ZNF341: variants seen among roughly 807,000 people sequenced by gnomAD.
The protein encoded by ZNF341 is zinc finger protein 341.
A neutral mutation model predicts 87.7 loss-of-function variants in ZNF341; 52 were observed. The ratio of observed to expected loss-of-function variants is 0.59; its 90% confidence interval spans 0.47 to 0.75. The LOEUF (loss-of-function observed/expected upper bound fraction) is 0.75, where lower values mean the gene tolerates loss of function less well. ZNF341 is among the 30% of genes least tolerant of loss of function. The probability of loss-of-function intolerance (pLI) is 0.00; values close to 1 mark genes in which losing one functional copy is unlikely to be tolerated. For synonymous variants in ZNF341, 459 were observed against 472.7 expected (o/e 0.97, Z 0.38); for missense variants, 977 against 1,145.9 (o/e 0.85, Z 2.13).
chr20:33,747,697 C>T (rs1018385105), intron 3 of ZNF341, among the ~76,000 whole-genome samples: 1 of 149,412 alleles, frequency 6.7e-6, no homozygotes, highest in African/African-American at 2.5e-5. Flanking sequence ...AAAATATTCC[C>T]CTCACCATCT....
rs571959953 is a variant in ZNF341, at chr20:33,791,262, G to A, written c.2310G>A (p.Pro770=). Residue 770 remains proline, a synonymous_variant, in exon 15 of 15, where the codon CCG becomes CCA. Coordinates refer to ENST00000375200, the MANE Select transcript of ZNF341 (RefSeq NM_001282933.2). ...GRKVLTPLPD[P]LGLEELKDTG... ...AGGTGCTGACCCCCTTGCCTGACCC[G>A]CTGGGGCTGGAGGAGCTGAAGGACA... 74 of 1,611,696 alleles carry A rather than the reference G, an allele frequency of 4.6e-5. 1 individual carries two copies. Among genetic ancestry groups the A allele is most frequent in the Middle Eastern group, 3.3e-4 (2 of 6,056 alleles).
intron 3 of ZNF341, among the ~76,000 whole-genome samples, chr20:33,747,713 C>CT (rs570173400): frequency 1.4e-3 from 174 of 125,612 alleles, no homozygotes; most frequent in East Asian, 2.1e-3. Flanking sequence ...CATCTCTTAC[C>CT]TTTTTTTTTT....
At chr20:33,774,601 A>G (rs1387609006) in intron 10 of ZNF341, among the ~76,000 whole-genome samples, 1 of 152,190 alleles carries the variant, frequency 6.6e-6, no homozygotes, top group Non-Finnish European at 1.5e-5. Context: ...CCTGTAGCGC[A>G]ATGTCCAACA....
intron 10 of ZNF341, among the ~76,000 whole-genome samples, chr20:33,771,070 T>A (rs896796227): frequency 6.6e-6 from 1 of 151,866 alleles, no homozygotes; most frequent in Non-Finnish European, 1.5e-5. Flanking sequence ...TGCAGTGAGC[T>A]GAGACCGTGT....
chr20:33,749,809 G>A (rs1197174906), intron 4 of ZNF341, among the ~76,000 whole-genome samples: 1 of 151,310 alleles, frequency 6.6e-6, no homozygotes, highest in African/African-American at 2.4e-5. Flanking sequence ...CTGAAGTGCA[G>A]TGGTGCGATC....
intron 5 of ZNF341, among the ~76,000 whole-genome samples, chr20:33,756,366 C>T (rs1221252705): frequency 1.5e-5 from 2 of 134,650 alleles, no homozygotes; most frequent in African/African-American, 6.3e-5. Flanking sequence ...TTCTCTCTCT[C>T]TCTTTTTTTT....
intron 5 of ZNF341, 61 bp downstream of exon 5, chr20:33,753,484 C>T: frequency 1.4e-6 from 2 of 1,481,362 alleles, no homozygotes; most frequent in Admixed American, 4.8e-5. Context: ...CCAACCCGGA[C>T]CCATCCTGAG....
chr20:33,771,402 C>T (rs754417321), intron 10 of ZNF341, among the ~76,000 whole-genome samples: 15 of 151,690 alleles, frequency 9.9e-5, no homozygotes, highest in Non-Finnish European at 2.1e-4. Context: ...ATGTGCCCCA[C>T]GCCCAGCTAA....
chr20:33,789,228 A>G (rs1463589919), intron 13 of ZNF341, among the ~76,000 whole-genome samples: 1 of 152,062 alleles, frequency 6.6e-6, no homozygotes, highest in Non-Finnish European at 1.5e-5. Context: ...GATTTAGTAG[A>G]GATGGAGTTT....
At position 33,788,929 on chromosome 20, in the gene ZNF341, A is replaced by T. The variant is rs762022879; in HGVS notation, c.1919A>T (p.His640Leu). ...AACCGCAAGGACAAACTGAAGAGAC[A>T]CATGTTGATCCACGAGCCCTTCAAG... ...AFNRKDKLKR[H>L]MLIHEPFKKY... Residue 640 changes from histidine to leucine, a missense_variant, in exon 13 of 15, where the codon CAC becomes CTC. Coordinates refer to ENST00000375200, the MANE Select transcript of ZNF341 (RefSeq NM_001282933.2). 6.2e-7 allele frequency: 1 copy of T among 1,613,942 alleles called. No individual in the cohort carries two copies. Among genetic ancestry groups the T allele is most frequent in the African/African-American group, 1.3e-5 (1 of 74,902 alleles).
intron 10 of ZNF341, among the ~76,000 whole-genome samples, chr20:33,774,667 T>C (rs2019595469): frequency 6.6e-6 from 1 of 152,212 alleles, no homozygotes; most frequent in African/African-American, 2.4e-5. Context: ...TAAAACTTTT[T>C]CACTTAAAAC....
intron 10 of ZNF341, among the ~76,000 whole-genome samples, chr20:33,776,012 G>A (rs1434220431): frequency 1.3e-5 from 2 of 151,874 alleles, no homozygotes; most frequent in Middle Eastern, 3.4e-3. Flanking sequence ...CAATATATGT[G>A]TTTTAAAGCT....
At position 33,791,092 on chromosome 20, in the gene ZNF341, G is replaced by T. The variant is rs1392026155; in HGVS notation, c.2140G>T (p.Ala714Ser). Residue 714 changes from alanine to serine, a missense_variant, in exon 15 of 15, where the codon GCT becomes TCT. Transcript: ENST00000375200. ...CACGGGCAACTACAAGTTCCGCTGT[G>T]CTGGCTGCGCCAAGGGCTTTTCCCG... Reference protein sequence around the residue: ...AHTGNYKFRCAGCAKGFSRHK... With the variant: ...AHTGNYKFRCSGCAKGFSRHK... 6.2e-7 allele frequency: 1 copy of T among 1,613,058 alleles called. No individual in the cohort carries two copies. The highest frequency in any genetic ancestry group is 8.5e-7 in the Non-Finnish European group (1 of 1,180,036).
In ZNF341 at chr20:33,791,411, A is replaced by G; in HGVS notation, c.2459A>G (p.His820Arg). 6.2e-7 allele frequency: 1 copy of G among 1,612,166 alleles called. No homozygotes were observed. The highest frequency in any genetic ancestry group is 8.5e-7 in the Non-Finnish European group (1 of 1,179,696). ...GAAACTGAGCTGGTGGTACCTGGACACGCTGAGGGGCTGGGCTCCAACCTG... is the reference window on the plus strand; with the variant it reads ...GAAACTGAGCTGGTGGTACCTGGACGCGCTGAGGGGCTGGGCTCCAACCTG... ...GAETELVVPG[H>R]AEGLGSNLAL... is the part of the protein sequence containing the mutation. Residue 820 changes from histidine (H) to arginine (R), a missense_variant, in exon 15 of 15, where the codon CAC becomes CGC. By Grantham distance (29) the His-to-Arg change is conservative. This residue lies in a region of ZNF341 where 221 missense variants were observed against 212.7 expected (regional missense o/e 1.04). Transcript: ENST00000375200.
chr20:33,765,268 G>T (rs1319394076), intron 8 of ZNF341, among the ~76,000 whole-genome samples: 1 of 152,104 alleles, frequency 6.6e-6, no homozygotes, highest in Non-Finnish European at 1.5e-5. Context: ...GGAGTGTTTT[G>T]CTGGGAAAGC....
intron 10 of ZNF341, 43 bp from the exon 11 acceptor site, chr20:33,781,248 C>T: frequency 6.6e-7 from 1 of 1,526,412 alleles, no homozygotes; most frequent in Non-Finnish European, 9.1e-7. Context: ...CTTCCTATGC[C>T]TGCTGTGTTT....
chr20:33,777,475 A>T (rs546622029), intron 10 of ZNF341, among the ~76,000 whole-genome samples: 1 of 152,058 alleles, frequency 6.6e-6, no homozygotes, highest in East Asian at 1.9e-4. Flanking sequence ...TATCTACTAA[A>T]TTATAAAAAT....
intron 1 of ZNF341, among the ~76,000 whole-genome samples, chr20:33,736,089 T>C (rs2018677630): frequency 6.9e-6 from 1 of 145,382 alleles, no homozygotes; most frequent in Non-Finnish European, 1.5e-5. Context: ...ATCTGAACTG[T>C]TTCCAGTTTT....
In ZNF341 at chr20:33,777,322, C is replaced by CAAAA. The variant is rs71192713; in HGVS notation, c.1623-3945_1623-3942dup. Among the ~76,000 whole-genome samples, 258 of 32,654 alleles carry CAAAA rather than the reference C, an allele frequency of 7.9e-3. 26 individuals are homozygous for CAAAA. Among genetic ancestry groups the CAAAA allele is most frequent in the African/African-American group, 0.023 (241 of 10,326 alleles). 21.4% of individuals were successfully genotyped at this position (32,654 alleles called of 152,430 possible). A position where few individuals can be genotyped will look rare whatever the true frequency, so the allele number is the denominator to read the frequency against. On this transcript the variant is annotated intron_variant, in intron 10 of 14. Coordinates refer to ENST00000375200, the MANE Select transcript of ZNF341 (RefSeq NM_001282933.2). Reference sequence around the variant, plus strand: ...TGAAGGACAGAGTGAGACCCTATCTCAAAAAAAAAAAAAAAAAAAAAAAAA... The same window carrying CAAAA: ...TGAAGGACAGAGTGAGACCCTATCTCAAAAAAAAAAAAAAAAAAAAAAAAAAAAA...
Sources: allele counts gnomAD v4.1 joint callset (sites outside exome capture counted in the v4.1 genomes callset), GRCh38; gene constraint gnomAD v4.1.1; regional missense constraint gnomAD v4.1.1; transcripts MANE v1.5; gene names NCBI Gene and HGNC (gene_info 2026-07-23, HGNC 2026-07-21).